STX6: variants seen among roughly 807,000 people sequenced by gnomAD.
STX6 encodes the protein syntaxin-6.
In STX6, 23 loss-of-function variants were observed where a neutral mutation model predicts 38.0. The observed-to-expected ratio is 0.60, with a 90% CI of 0.43 to 0.86. The LOEUF (loss-of-function observed/expected upper bound fraction) is 0.86. STX6 is among the 40% of genes least tolerant of loss of function. The probability of loss-of-function intolerance (pLI) is 0.00; values close to 1 mark genes in which losing one functional copy is unlikely to be tolerated. For missense variants in STX6, 274 were observed against 312.9 expected (o/e 0.88, Z 0.94); for synonymous variants, 123 against 107.5 (o/e 1.14, Z -0.89).
intron 1 of STX6, among the ~76,000 whole-genome samples, chr1:181,016,802 T>C (rs772941712): frequency 6.6e-6 from 1 of 152,220 alleles, no homozygotes; most frequent in Non-Finnish European, 1.5e-5. Context: ...AAAACTGTTA[T>C]CATGCTGGGT....
chr1:181,000,148 A>G (rs1558094078), intron 3 of STX6, among the ~76,000 whole-genome samples: 2 of 152,230 alleles, frequency 1.3e-5, no homozygotes, highest in Admixed American at 6.5e-5. Flanking sequence ...TTAAACAAGA[A>G]TGATTTAAAA....
intron 4 of STX6, among the ~76,000 whole-genome samples, chr1:180,992,395 C>A: frequency 6.6e-6 from 1 of 152,062 alleles, no homozygotes; most frequent in East Asian, 1.9e-4. Flanking sequence ...TGACAAATAC[C>A]CACAGGTATG....
rs1235410989 is a variant in STX6 at position 180,974,436 on chromosome 1, A to G, written c.*2134T>C. Reference sequence around the variant, plus strand: ...CCAAACATCATTAAGCCTCTGGGTCATAAAACTTGGTCCCTGAACTAACAG... The same window carrying G: ...CCAAACATCATTAAGCCTCTGGGTCGTAAAACTTGGTCCCTGAACTAACAG... On this transcript the variant is annotated 3_prime_UTR_variant, in exon 8 of 8. Coordinates refer to ENST00000258301, the MANE Select transcript of STX6 (RefSeq NM_005819.6). The G allele has an allele frequency of 6.5e-6, 1 of 152,808 alleles. No individual in the cohort carries two copies. The highest frequency in any genetic ancestry group is 2.4e-5 in the African/African-American group (1 of 41,598). 9.5% of individuals were successfully genotyped at this position (152,808 alleles called of 1,614,324 possible).
intron 6 of STX6, among the ~76,000 whole-genome samples, chr1:180,987,082 C>T (rs1571330148): frequency 1.3e-5 from 2 of 152,318 alleles, no homozygotes; most frequent in East Asian, 3.9e-4. Context: ...AGTAGTCGTA[C>T]CTCCTTACCA....
At chr1:181,022,613 C>T (rs754242380) in intron 1 of STX6, 26 bp downstream of exon 1, 1 of 1,604,302 alleles carries the variant, frequency 6.2e-7, no homozygotes, top group Non-Finnish European at 8.5e-7. Flanking sequence ...CCTCTTCCTC[C>T]GGTGGAGCGC....
At chr1:181,014,719 AAG>A (rs1478721099) in intron 1 of STX6, among the ~76,000 whole-genome samples, 1 of 152,226 alleles carries the variant, frequency 6.6e-6, no homozygotes, top group Admixed American at 6.5e-5. Context: ...TCTCTCCAGA[AAG>A]AGAGGAACTC....
chr1:181,022,548 C>T (rs956237350), intron 1 of STX6, 91 bp downstream of exon 1: 2 of 1,392,830 alleles, frequency 1.4e-6, no homozygotes, highest in Non-Finnish European at 2.0e-6. Context: ...TCCAACTTGC[C>T]TCCCCTCCCC....
At chr1:181,002,524 A>G in intron 3 of STX6, 82 bp downstream of exon 3, 1 of 968,436 alleles carries the variant, frequency 1.0e-6, no homozygotes, top group Non-Finnish European at 1.6e-6. Context: ...GAGGTGACCT[A>G]TTAGTTTACA....
intron 3 of STX6, among the ~76,000 whole-genome samples, chr1:180,995,567 T>C (rs1397437644): frequency 6.6e-6 from 1 of 152,176 alleles, no homozygotes; most frequent in African/African-American, 2.4e-5. Flanking sequence ...CCTTTAAAAA[T>C]ATACTCAGCT....
intron 2 of STX6, 123 bp from the exon 3 acceptor site, chr1:181,002,823 A>G: frequency 6.3e-6 from 4 of 635,798 alleles, no homozygotes; most frequent in Non-Finnish European, 1.1e-5. Context: ...AAACACAGTC[A>G]GCTGGACACC....
In STX6 at chr1:180,976,340, T is replaced by C; in HGVS notation, c.*230A>G. On this transcript the variant is annotated 3_prime_UTR_variant, in exon 8 of 8. Transcript: ENST00000258301. ...AACTGGACAGGCGGCATGGGGCTTC[T>C]GTTGTCCAGCTGCAGCCAGGAGTGC... 1 of 514,722 alleles carries C rather than the reference T, an allele frequency of 1.9e-6. No homozygotes were observed. The highest frequency in any genetic ancestry group is 3.5e-6 in the Non-Finnish European group (1 of 283,062). The allele number at this position is 514,722 out of a possible 1,614,324, so 31.9% of individuals were successfully genotyped here.
At position 180,993,350 on chromosome 1, in the gene STX6, GAT is replaced by G. The variant is rs774026192; in HGVS notation, c.363+11_363+12del. The G allele has an allele frequency of 6.9e-7, 1 of 1,446,666 alleles. No individual in the cohort carries two copies. Among genetic ancestry groups the G allele is most frequent in the African/African-American group, 1.4e-5 (1 of 71,524 alleles). 89.6% of individuals were successfully genotyped at this position (1,446,666 alleles called of 1,614,324 possible). ...TTTCTGTCATTGATAATTATATTCT[GAT>G]GTTTTCTCACCTGTCTATTTTTTCT... On this transcript the variant is annotated intron_variant, in intron 4 of 7. Coordinates refer to ENST00000258301, the MANE Select transcript of STX6 (RefSeq NM_005819.6).
intron 1 of STX6, among the ~76,000 whole-genome samples, chr1:181,008,271 T>C (rs1571348326): frequency 6.6e-6 from 1 of 152,242 alleles, no homozygotes; most frequent in Non-Finnish European, 1.5e-5. Flanking sequence ...TCCCTTATAC[T>C]ACGATCCATT....
rs1655179693 is a variant in STX6 at position 180,973,711 on chromosome 1, TTC to T, written c.*2857_*2858del. ...CAGGGCATATAGAGCATTGTGATTC[TTC>T]ACAGTCCGCAGAGACAAGACCAAAA... is the stretch of plus-strand genomic sequence containing the variant. On this transcript the variant is annotated 3_prime_UTR_variant, in exon 8 of 8. Coordinates refer to ENST00000258301, the MANE Select transcript of STX6 (RefSeq NM_005819.6). 1.3e-5 allele frequency: 2 copies of T among 152,780 alleles called. No individual in the cohort carries two copies. The highest frequency in any genetic ancestry group is 1.3e-4 in the Admixed American group (2 of 15,290). 9.5% of individuals were successfully genotyped at this position (152,780 alleles called of 1,614,324 possible). A position where few individuals can be genotyped will look rare whatever the true frequency, so the allele number is the denominator to read the frequency against.
At chr1:180,988,002 T>C (rs1205690484) in intron 6 of STX6, 1 of 372,772 alleles carries the variant, frequency 2.7e-6, no homozygotes, top group Non-Finnish European at 5.0e-6. Flanking sequence ...GACATCTGTG[T>C]CTGTTTTTGG....
At chr1:180,988,201 C>A in intron 6 of STX6, 38 bp downstream of exon 6, 1 of 1,518,244 alleles carries the variant, frequency 6.6e-7, no homozygotes, top group South Asian at 1.1e-5. Flanking sequence ...CTCTGCCCCT[C>A]AATTTCACTG....
In STX6 at chr1:180,973,462, G is replaced by A. The variant is rs1256172079; in HGVS notation, c.*3108C>T. 1 of 152,668 alleles carries A rather than the reference G, an allele frequency of 6.6e-6. No individual in the cohort carries two copies. Among genetic ancestry groups the A allele is most frequent in the African/African-American group, 2.4e-5 (1 of 41,458 alleles). The allele number at this position is 152,668 out of a possible 1,614,324, so 9.5% of individuals were successfully genotyped here. On this transcript the variant is annotated 3_prime_UTR_variant, in exon 8 of 8. Coordinates refer to ENST00000258301, the MANE Select transcript of STX6 (RefSeq NM_005819.6). ...TTAACAGAGACAGATTTCTGTTGGA[G>A]TTAGACTAGATTTCTTTTCACAGCC...
At chr1:180,999,893 C>CT (rs1204033896) in intron 3 of STX6, among the ~76,000 whole-genome samples, 1 of 152,214 alleles carries the variant, frequency 6.6e-6, no homozygotes, top group Non-Finnish European at 1.5e-5. Flanking sequence ...TGCTCCCTCT[C>CT]TATCGAGCTC....
Position 181,002,756 on chromosome 1 carries a change from G to A in STX6, c.206-56C>T, listed in dbSNP as rs1656120291. The A allele has an allele frequency of 3.4e-6, 4 of 1,187,268 alleles. No individual in the cohort carries two copies. The South Asian group carries it at 3.8e-5, about 11-fold the overall frequency. The allele number at this position is 1,187,268 out of a possible 1,614,324, so 73.5% of individuals were successfully genotyped here. A position where few individuals can be genotyped will look rare whatever the true frequency, so the allele number is the denominator to read the frequency against. On this transcript the variant is annotated intron_variant, in intron 2 of 7. Transcript: ENST00000258301. ...CATCATCAAAGCCTGACAACATCCT[G>A]TTAACTCACTGAATCTCTCACATGC...
Sources: gnomAD v4.1 joint callset for allele counts (sites outside exome capture counted in the v4.1 genomes callset) on GRCh38, gnomAD v4.1.1 for gene constraint, MANE v1.5 for transcripts, NCBI Gene and HGNC (gene_info 2026-07-23, HGNC 2026-07-21) for gene names.